Variants in ARMC8 observed in about 807,000 individuals in gnomAD.
ARMC8 encodes the protein armadillo repeat containing 8, also known as armadillo repeat-containing protein 8.
Under a neutral mutation model 99.3 loss-of-function variants are expected in ARMC8, and 20 were observed. That is an observed-to-expected ratio of 0.20 (90% confidence interval 0.14 to 0.29). The LOEUF (loss-of-function observed/expected upper bound fraction) is 0.29. ARMC8 is among the 10% of genes least tolerant of loss of function. ARMC8 has a pLI of 1.00. For synonymous variants in ARMC8, 263 were observed against 278.3 expected (o/e 0.95, Z 0.55); for missense variants, 569 against 809.5 (o/e 0.70, Z 3.60).
intron 16 of ARMC8, among the ~76,000 whole-genome samples, chr3:138,271,018 A>G (rs2048739341): frequency 6.6e-6 from 1 of 152,200 alleles, no homozygotes; most frequent in African/African-American, 2.4e-5. Flanking sequence ...CAGGGAGGGT[A>G]AGTGAATTGT....
intron 1 of ARMC8, among the ~76,000 whole-genome samples, chr3:138,192,204 C>G (rs1159441259): frequency 6.6e-6 from 1 of 150,870 alleles, no homozygotes; most frequent in Admixed American, 6.6e-5. Context: ...GTAGTAATAT[C>G]TCATCATGGT....
Position 138,237,294 on chromosome 3 carries a change from C to A in ARMC8, c.610-15C>A. ...GAATTAAACACATTTTTTGTTTGTT[C>A]ATTTATTTTTACAGGTTCGAATGCA... On this transcript the variant is annotated splice_polypyrimidine_tract_variant and intron_variant, in intron 7 of 21. Coordinates refer to ENST00000469044, the MANE Select transcript of ARMC8 (RefSeq NM_001363941.2). The A allele has an allele frequency of 1.9e-6, 3 of 1,606,530 alleles. No homozygotes were observed. In the South Asian group the frequency reaches 3.4e-5, roughly 18 times the overall value.
intron 19 of ARMC8, among the ~76,000 whole-genome samples, chr3:138,286,233 G>A (rs1362222242): frequency 6.6e-6 from 1 of 152,138 alleles, no homozygotes; most frequent in Non-Finnish European, 1.5e-5. Context: ...ATGAGCCACT[G>A]CGCCCAACCT....
intron 2 of ARMC8, among the ~76,000 whole-genome samples, chr3:138,216,350 G>A (rs1368491990): frequency 6.6e-6 from 1 of 152,068 alleles, no homozygotes; most frequent in Non-Finnish European, 1.5e-5. Flanking sequence ...TTTTCCAACT[G>A]CCTCTTGAAT....
intron 5 of ARMC8, among the ~76,000 whole-genome samples, chr3:138,225,255 C>T (rs2045627518): frequency 6.6e-6 from 1 of 151,978 alleles, no homozygotes; most frequent in South Asian, 2.1e-4. Flanking sequence ...GGCCTACAGG[C>T]ATGTGCCACC....
At chr3:138,231,013 G>A (rs1016434764) in intron 6 of ARMC8, among the ~76,000 whole-genome samples, 1 of 152,144 alleles carries the variant, frequency 6.6e-6, no homozygotes, top group Non-Finnish European at 1.5e-5. Context: ...AATGGAAGAT[G>A]TTATCAGAGA....
intron 1 of ARMC8, among the ~76,000 whole-genome samples, chr3:138,207,990 A>C (rs1332773885): frequency 6.6e-6 from 1 of 152,116 alleles, no homozygotes; most frequent in Non-Finnish European, 1.5e-5. Flanking sequence ...AGCTGGATGT[A>C]GTGGCACATA....
chr3:138,240,617 C>G (rs1284540340), intron 10 of ARMC8, among the ~76,000 whole-genome samples: 3 of 152,160 alleles, frequency 2.0e-5, no homozygotes, highest in Non-Finnish European at 2.9e-5. Context: ...CCTTGGAAAC[C>G]TAGGGTTGAA....
chr3:138,245,275 T>A, intron 12 of ARMC8, 92 bp downstream of exon 12: 1 of 1,612,048 alleles, frequency 6.2e-7, no homozygotes, highest in Non-Finnish European at 8.5e-7. Context: ...GCACTAACAG[T>A]GACTGTTTGA....
At chr3:138,283,719 A>G (rs1265244590) in intron 18 of ARMC8, among the ~76,000 whole-genome samples, 1 of 152,212 alleles carries the variant, frequency 6.6e-6, no homozygotes, top group Non-Finnish European at 1.5e-5. Context: ...TGACAAGAAC[A>G]GTTTTTCCTT....
intron 1 of ARMC8, chr3:138,188,481 T>A: frequency 6.2e-7 from 1 of 1,613,566 alleles, no homozygotes; most frequent in Non-Finnish European, 8.5e-7. Context: ...TACTGGGAGA[T>A]AACTTCGAAG....
At chr3:138,202,856 A>G (rs2044157695) in intron 1 of ARMC8, among the ~76,000 whole-genome samples, 2 of 152,222 alleles carry the variant, frequency 1.3e-5, no homozygotes, top group African/African-American at 4.8e-5. Context: ...TTCATTGTCT[A>G]ATAAACTAAT....
In ARMC8 at chr3:138,296,244, G is replaced by A. The variant is rs1237597272; in HGVS notation, c.*352G>A. On this transcript the variant is annotated 3_prime_UTR_variant, in exon 22 of 22. Transcript: ENST00000469044. ...TGTGTGAACACACAGGCATGCGTGTGTATGTGCACGTACATGGGCCAGAAT... is the reference window on the plus strand; with the variant it reads ...TGTGTGAACACACAGGCATGCGTGTATATGTGCACGTACATGGGCCAGAAT... The A allele has an allele frequency of 1.0e-5, 2 of 194,890 alleles. No individual in the cohort carries two copies. The highest frequency in any genetic ancestry group is 1.0e-5 in the Non-Finnish European group (1 of 95,310). 12.1% of individuals were successfully genotyped at this position (194,890 alleles called of 1,614,324 possible). A position where few individuals can be genotyped will look rare whatever the true frequency, so the allele number is the denominator to read the frequency against.
At chr3:138,193,134 A>T (rs979835878) in intron 1 of ARMC8, among the ~76,000 whole-genome samples, 2 of 151,498 alleles carry the variant, frequency 1.3e-5, no homozygotes, top group Non-Finnish European at 2.9e-5. Flanking sequence ...ATGCCTGGCT[A>T]ATTTTTGTAT....
rs959393097 is a variant in ARMC8 at position 138,297,008 on chromosome 3, T to G, written c.*1116T>G. ...ATATCACTGTGAAACTAAAGAATAT[T>G]CTACAGACACCCCTGTAGAAAGAAA... On this transcript the variant is annotated 3_prime_UTR_variant, in exon 22 of 22. Transcript: ENST00000469044. 1.1e-4 allele frequency: 16 copies of G among 152,212 alleles called. No homozygotes were observed. The highest frequency in any genetic ancestry group is 3.6e-4 in the African/African-American group (15 of 41,458). The allele number at this position is 152,212 out of a possible 1,614,324, so 9.4% of individuals were successfully genotyped here.
At chr3:138,257,485 C>G (rs1560000005) in intron 12 of ARMC8, among the ~76,000 whole-genome samples, 1 of 152,100 alleles carries the variant, frequency 6.6e-6, no homozygotes, top group Non-Finnish European at 1.5e-5. Flanking sequence ...GGATCTCTCC[C>G]CTGACTCTTG....
At chr3:138,251,142 AGGT>A (rs2047106613) in intron 12 of ARMC8, among the ~76,000 whole-genome samples, 1 of 151,960 alleles carries the variant, frequency 6.6e-6, no homozygotes, top group Non-Finnish European at 1.5e-5. Flanking sequence ...ACTACAGCCT[AGGT>A]GACAGAGTGA....
At chr3:138,192,708 G>T (rs992669387) in intron 1 of ARMC8, among the ~76,000 whole-genome samples, 1 of 152,012 alleles carries the variant, frequency 6.6e-6, no homozygotes, top group Non-Finnish European at 1.5e-5. Flanking sequence ...GTGCCACCAT[G>T]CCTGGCCATG....
intron 7 of ARMC8, among the ~76,000 whole-genome samples, chr3:138,235,609 T>C (rs1473182723): frequency 6.6e-6 from 1 of 152,194 alleles, no homozygotes; most frequent in Non-Finnish European, 1.5e-5. Flanking sequence ...AGCAGTGTCA[T>C]ATTACCAGGT....
Sources: allele counts gnomAD v4.1 joint callset (sites outside exome capture counted in the v4.1 genomes callset), GRCh38; gene constraint gnomAD v4.1.1; transcripts MANE v1.5; gene names NCBI Gene and HGNC (gene_info 2026-07-23, HGNC 2026-07-21).